The following MCF2 variants were observed in gnomAD, a reference collection of about 807,000 sequenced individuals.
MCF2 encodes MCF.2 cell line derived transforming sequence, also known as proto-oncogene DBL.
Under a neutral mutation model 82.5 loss-of-function variants are expected in MCF2, and 44 were observed. That is an observed-to-expected ratio of 0.53 (90% confidence interval 0.42 to 0.69). The LOEUF (loss-of-function observed/expected upper bound fraction) is 0.69. Among genes scored for constraint, MCF2 ranks in the 30% least tolerant of loss-of-function variants. MCF2 has a pLI of 0.00. For synonymous variants in MCF2, 217 were observed against 224.9 expected, an observed-to-expected ratio of 0.96 and a Z score of 0.32; for missense variants, 623 against 663.1, an observed-to-expected ratio of 0.94 and a Z score of 0.66.
chrX:139,617,531 C>G (rs769480780), exon 8 of MCF2: 6 of 1,179,683 alleles, frequency 5.1e-6, no homozygotes, highest in Non-Finnish European at 6.8e-6. Context: ...GGAGTTTATG[C>G]ATTTTGAAGG....
At chrX:139,660,206 A>ATCT (rs1934318677) in intron 1 of MCF2, among the ~76,000 whole-genome samples, 1 of 111,869 alleles carries the variant, frequency 8.9e-6, no homozygotes, top group Admixed American at 9.5e-5. Context: ...AGGTCATCTA[A>ATCT]AATCTGTACT....
chrX:139,672,902 C>T (rs1460527099), intron 1 of MCF2, among the ~76,000 whole-genome samples: 7 of 111,673 alleles, frequency 6.3e-5, no homozygotes, highest in Non-Finnish European at 9.4e-5. Context: ...ACCAGCTCCT[C>T]CTTGTATCTC....
At chrX:139,620,614 T>C (rs1398406926) in intron 6 of MCF2, among the ~76,000 whole-genome samples, 2 of 111,273 alleles carry the variant, frequency 1.8e-5, no homozygotes, top group African/African-American at 6.5e-5. Context: ...TCATTTACAA[T>C]GACCACAAAA....
At chrX:139,669,351 G>C (rs757503227) in intron 1 of MCF2, among the ~76,000 whole-genome samples, 13 of 112,070 alleles carry the variant, frequency 1.2e-4, no homozygotes, top group South Asian at 7.4e-4. Flanking sequence ...ACACCCAAGA[G>C]GATGTCTGTA....
intron 1 of MCF2, among the ~76,000 whole-genome samples, 171 bp downstream of exon 1, chrX:139,707,935 T>C (rs189996441): frequency 1.2e-3 from 137 of 111,773 alleles, no homozygotes; most frequent in Middle Eastern, 4.6e-3. Context: ...CTGCACTGTG[T>C]CCTGCAAATC....
chrX:139,610,804 A>G (rs893410531), intron 10 of MCF2, among the ~76,000 whole-genome samples: 5 of 111,502 alleles, frequency 4.5e-5, no homozygotes, highest in Non-Finnish European at 7.5e-5. Context: ...CTTCTTTTTT[A>G]ATACCCAAAA....
chrX:139,585,051 T>C lies in MCF2; in HGVS notation c.2745+15A>G, dbSNP rs751290088. On this transcript the variant is annotated intron_variant, in intron 24 of 24. Transcript: ENST00000370576. ...AACTGCCTCAATAATTTTAATTTAC[T>C]ATATTATTACTAACCATGAGGGGCC... 49 of 1,074,522 alleles carry C rather than the reference T, an allele frequency of 4.6e-5. No homozygotes were observed. Among genetic ancestry groups the C allele is most frequent in the Admixed American group, 2.7e-4 (11 of 40,111 alleles). The allele number at this position is 1,074,522 out of a possible 1,213,427, so 88.6% of individuals were successfully genotyped here. A position where few individuals can be genotyped will look rare whatever the true frequency, so the allele number is the denominator to read the frequency against.
rs187150154 is a variant in MCF2, at chrX:139,609,141, G to A, written c.1401+1160C>T. Among the ~76,000 whole-genome samples, 3 of 112,294 alleles carry A rather than the reference G, an allele frequency of 2.7e-5. No homozygotes were observed. In the Admixed American group the frequency reaches 2.8e-4, roughly 11 times the overall value. ...TATATAGCCAGTAAGTGATGGAACT[G>A]GGATTATAAGCCAGGCAGCCTAGTT... On this transcript the variant is annotated intron_variant, in intron 11 of 24. Transcript: ENST00000370576.
intron 19 of MCF2, among the ~76,000 whole-genome samples, chrX:139,595,727 TAATAATAAAATAAAAA>T (rs1011249471): frequency 1.9e-5 from 2 of 107,660 alleles, no homozygotes; most frequent in Non-Finnish European, 3.8e-5. Flanking sequence ...TAAAGTATAA[TAATAATAAAATAAAAA>T]AATAAAAAAT....
At chrX:139,610,810 C>T (rs1478042583) in intron 10 of MCF2, among the ~76,000 whole-genome samples, 1 of 111,195 alleles carries the variant, frequency 9.0e-6, no homozygotes, top group Non-Finnish European at 1.9e-5. Flanking sequence ...TTTTAATACC[C>T]AAAATCATCC....
At chrX:139,693,902 T>C (rs978133656) in intron 1 of MCF2, among the ~76,000 whole-genome samples, 6 of 112,429 alleles carry the variant, frequency 5.3e-5, no homozygotes, top group African/African-American at 1.9e-4. Flanking sequence ...TATGGACAGA[T>C]GCCCTGCTAT....
chrX:139,667,881 C>T (rs1934572034), intron 1 of MCF2, among the ~76,000 whole-genome samples: 1 of 112,041 alleles, frequency 8.9e-6, no homozygotes, highest in South Asian at 3.7e-4. Flanking sequence ...ACTGCTTGGG[C>T]ATGCTGGCTC....
intron 9 of MCF2, among the ~76,000 whole-genome samples, chrX:139,615,773 A>G (rs1228848669): frequency 8.9e-6 from 1 of 112,042 alleles, no homozygotes; most frequent in Non-Finnish European, 1.9e-5. Flanking sequence ...GCAGTACTGA[A>G]CTAACCTATA....
chrX:139,620,730 G>A (rs937710559), intron 6 of MCF2, among the ~76,000 whole-genome samples: 7 of 111,301 alleles, frequency 6.3e-5, no homozygotes, highest in African/African-American at 2.3e-4. Flanking sequence ...CAAACAAATG[G>A]AGAAAACATT....
At chrX:139,691,849 A>C (rs1935275031) in intron 1 of MCF2, 13 of 930,623 alleles carry the variant, frequency 1.4e-5, no homozygotes, top group Non-Finnish European at 1.8e-5. Context: ...CTGGGGAGGC[A>C]GCGGCTGAGA....
intron 24 of MCF2, among the ~76,000 whole-genome samples, chrX:139,582,850 A>C (rs1327725285): frequency 1.8e-5 from 2 of 112,104 alleles, no homozygotes; most frequent in East Asian, 5.6e-4. Context: ...GGTTAAACAC[A>C]AACTGGCTTC....
At chrX:139,652,507 G>A (rs1934060742) in intron 1 of MCF2, among the ~76,000 whole-genome samples, 1 of 111,400 alleles carries the variant, frequency 9.0e-6, no homozygotes, top group African/African-American at 3.3e-5. Flanking sequence ...CATTACAGAT[G>A]GAACAATGTC....
intron 1 of MCF2, among the ~76,000 whole-genome samples, chrX:139,681,885 A>T (rs1267287697): frequency 8.9e-6 from 1 of 112,412 alleles, no homozygotes; most frequent in East Asian, 2.8e-4. Flanking sequence ...AAGGAGCAGG[A>T]CTGGGCTAGG....
At chrX:139,601,360 A>T (rs922942708) in intron 16 of MCF2, among the ~76,000 whole-genome samples, 5 of 111,708 alleles carry the variant, frequency 4.5e-5, no homozygotes, top group African/African-American at 1.3e-4. Flanking sequence ...GAGGACAGAA[A>T]CTAAGTCACC....
Sources: allele counts gnomAD v4.1 joint callset (sites outside exome capture counted in the v4.1 genomes callset), GRCh38; gene constraint gnomAD v4.1.1; transcripts MANE v1.5; gene names NCBI Gene and HGNC (gene_info 2026-07-23, HGNC 2026-07-21).